CYP7B1: variants seen among roughly 807,000 people sequenced by gnomAD.
CYP7B1 encodes cytochrome P450 family 7 subfamily B member 1.
Under a neutral mutation model 42.7 loss-of-function variants are expected in CYP7B1, and 29 were observed. The observed-to-expected ratio is 0.68, with a 90% CI of 0.51 to 0.93. The LOEUF (loss-of-function observed/expected upper bound fraction) is 0.93. CYP7B1 is among the 40% of genes least tolerant of loss of function. CYP7B1 has a pLI of 0.00. For missense variants in CYP7B1, 655 were observed against 600.5 expected (o/e 1.09, Z -0.95); for synonymous variants, 235 against 218.2 (o/e 1.08, Z -0.68).
intron 1 of CYP7B1, among the ~76,000 whole-genome samples, chr8:64,721,710 A>C (rs1439884690): frequency 2.0e-5 from 3 of 152,208 alleles, no homozygotes; most frequent in Admixed American, 6.5e-5. Flanking sequence ...TACTTTGTAT[A>C]GATGAAAATA....
intron 1 of CYP7B1, among the ~76,000 whole-genome samples, chr8:64,640,740 C>T (rs1477228255): frequency 2.6e-5 from 4 of 152,046 alleles, no homozygotes; most frequent in Non-Finnish European, 5.9e-5. Context: ...TATCAGGGAC[C>T]AGGTCTCCTA....
chr8:64,662,091 C>G (rs1806207122), intron 1 of CYP7B1, among the ~76,000 whole-genome samples: 1 of 151,372 alleles, frequency 6.6e-6, no homozygotes, highest in Admixed American at 6.7e-5. Context: ...AACTTTACCC[C>G]TATAAAGATA....
chr8:64,593,232 GGTGTGTGTGTGT>G lies in CYP7B1; in HGVS notation c.*3398_*3409del, dbSNP rs57590025. 0.062 allele frequency among the ~76,000 whole-genome samples: 7,660 copies of G among 123,286 alleles called. 286 individuals carry two copies. Among genetic ancestry groups the G allele is most frequent in the African/African-American group, 0.11 (3,883 of 35,116 alleles). 80.9% of individuals were successfully genotyped at this position (123,286 alleles called of 152,430 possible). On this transcript the variant is annotated 3_prime_UTR_variant, in exon 6 of 6. Coordinates refer to ENST00000310193, the MANE Select transcript of CYP7B1 (RefSeq NM_004820.5). ...TGGTGGACTAAAGGCTAGGGCCCAG[GGTGTGTGTGTGT>G]GTGTGTGTGTGTGTGTGTGTGTGTG... is the stretch of plus-strand genomic sequence containing the variant.
chr8:64,598,691 G>A (rs1805154546), intron 5 of CYP7B1, among the ~76,000 whole-genome samples: 2 of 152,160 alleles, frequency 1.3e-5, no homozygotes, highest in Admixed American at 1.3e-4. Flanking sequence ...AACACGTGAT[G>A]CAGGAGTGCT....
intron 1 of CYP7B1, among the ~76,000 whole-genome samples, chr8:64,712,239 C>T (rs957124019): frequency 2.0e-5 from 3 of 151,838 alleles, no homozygotes; most frequent in African/African-American, 7.3e-5. Context: ...AAAAATAGCA[C>T]CTTCACAGAC....
At chr8:64,680,012 T>C (rs1216585618) in intron 1 of CYP7B1, among the ~76,000 whole-genome samples, 1 of 152,098 alleles carries the variant, frequency 6.6e-6, no homozygotes, top group African/African-American at 2.4e-5. Context: ...TCTTTAAAAC[T>C]TACCTTGCAT....
intron 1 of CYP7B1, among the ~76,000 whole-genome samples, chr8:64,643,162 C>CATATATATACATATATAT (rs781343197): frequency 1.4e-4 from 4 of 29,382 alleles, no homozygotes; most frequent in Admixed American, 3.8e-4. Context: ...TACATATATA[C>CATATATATACATATATAT]ACATATATAC....
chr8:64,615,998 A>C lies in CYP7B1; in HGVS notation c.543T>G (p.Tyr181Ter). 1 of 1,613,784 alleles carries C rather than the reference A, an allele frequency of 6.2e-7. No homozygotes were observed. Among genetic ancestry groups the C allele is most frequent in the Non-Finnish European group, 8.5e-7 (1 of 1,179,826 alleles). ...CAAATATTATTGAGCTGCAGAATGG[A>C]TACAGTTCTGCCGTGTCCCAACTTG... ...KTTSWDTAELYPFCSSIIFEI... is the reference protein window; with the variant it reads ...KTTSWDTAEL The change falls in exon 3 of 6, where the codon TAT (tyrosine) becomes TAG (stop). Residue 181 changes from tyrosine (Y) to a stop codon, truncating the protein, a stop_gained. Coordinates refer to ENST00000310193, the MANE Select transcript of CYP7B1 (RefSeq NM_004820.5). LOFTEE classifies it high-confidence loss of function.
intron 1 of CYP7B1, among the ~76,000 whole-genome samples, chr8:64,732,167 T>C (rs1034127839): frequency 1.3e-5 from 2 of 152,100 alleles, no homozygotes; most frequent in African/African-American, 2.4e-5. Flanking sequence ...TTACAGCTTG[T>C]ACTGTGCACC....
chr8:64,629,366 G>A (rs1156323961), intron 1 of CYP7B1, among the ~76,000 whole-genome samples: 1 of 152,094 alleles, frequency 6.6e-6, no homozygotes, highest in Admixed American at 6.5e-5. Context: ...AGTAGGTGGT[G>A]AGCAACCTTT....
chr8:64,597,030 T>C, intron 5 of CYP7B1, 101 bp from the exon 6 acceptor site: 1 of 1,071,608 alleles, frequency 9.3e-7, no homozygotes. Flanking sequence ...AAAAAGCTCC[T>C]TTTAATCAGG....
In CYP7B1 at chr8:64,619,271, A is replaced by C. The variant is rs534434435; in HGVS notation, c.260-2990T>G. Among the ~76,000 whole-genome samples, 7 of 152,322 alleles carry C rather than the reference A, an allele frequency of 4.6e-5. No homozygotes were observed. In the East Asian group the frequency reaches 9.6e-4, roughly 21 times the overall value. On this transcript the variant is annotated intron_variant, in intron 2 of 5. Transcript: ENST00000310193. ...GAAATCTTCTGAAAAGGTATTCTGA[A>C]GGCCGTGTATTCTTGCAGCAACATT...
At chr8:64,599,807 A>G (rs2129629832) in intron 5 of CYP7B1, among the ~76,000 whole-genome samples, 2 of 152,324 alleles carry the variant, frequency 1.3e-5, no homozygotes, top group South Asian at 2.1e-4. Context: ...TGAAGAAAAT[A>G]AAACAAAAAG....
chr8:64,627,265 G>T (rs1481250119), intron 1 of CYP7B1, among the ~76,000 whole-genome samples: 1 of 151,982 alleles, frequency 6.6e-6, no homozygotes, highest in African/African-American at 2.4e-5. Flanking sequence ...AGAAATATAA[G>T]AAAACCAAAA....
rs372437728 is a variant in CYP7B1 at position 64,650,473 on chromosome 8, C to A, written c.123-25934G>T. On this transcript the variant is annotated intron_variant, in intron 1 of 5. Coordinates refer to ENST00000310193, the MANE Select transcript of CYP7B1 (RefSeq NM_004820.5). The stretch of plus-strand genomic sequence containing the variant: ...GACCAGCGTGGCCAAAATGATGAGA[C>A]CCCGTCTCTACCAAAAATACAAAAA... Among the ~76,000 whole-genome samples the A allele has an allele frequency of 4.6e-5, 7 of 152,064 alleles. No homozygotes were observed. The South Asian group carries it at 6.2e-4, about 14-fold the overall frequency.
At chr8:64,710,638 C>T (rs1424143238) in intron 1 of CYP7B1, among the ~76,000 whole-genome samples, 1 of 152,096 alleles carries the variant, frequency 6.6e-6, no homozygotes, top group East Asian at 1.9e-4. Context: ...ATTCAGAAAC[C>T]TCCTTTGTAT....
At chr8:64,789,821 G>T (rs924211400) in intron 1 of CYP7B1, among the ~76,000 whole-genome samples, 1 of 152,186 alleles carries the variant, frequency 6.6e-6, no homozygotes, top group Non-Finnish European at 1.5e-5. Context: ...CACTCCAGAT[G>T]TTTAAATAAA....
intron 1 of CYP7B1, among the ~76,000 whole-genome samples, chr8:64,775,503 A>G (rs1027648476): frequency 2.0e-5 from 3 of 152,186 alleles, no homozygotes; most frequent in African/African-American, 7.2e-5. Context: ...TTCCTTAGTT[A>G]CTAATGTATT....
chr8:64,667,705 T>C (rs1806302615), intron 1 of CYP7B1, among the ~76,000 whole-genome samples: 1 of 152,204 alleles, frequency 6.6e-6, no homozygotes, highest in Non-Finnish European at 1.5e-5. Flanking sequence ...CTATGTTTTT[T>C]ATCCACACTT....
Sources: allele counts gnomAD v4.1 joint callset (sites outside exome capture counted in the v4.1 genomes callset), GRCh38; gene constraint gnomAD v4.1.1; transcripts MANE v1.5; gene names NCBI Gene and HGNC (gene_info 2026-07-23, HGNC 2026-07-21).